The following DDX60 variants were observed in gnomAD, a reference collection of about 807,000 sequenced individuals.
The protein encoded by DDX60 is DExD/H-box helicase 60, also known as probable ATP-dependent RNA helicase DDX60.
A neutral mutation model predicts 212.8 loss-of-function variants in DDX60; 165 were observed. That is an observed-to-expected ratio of 0.78 (90% CI 0.68 to 0.88). The LOEUF is 0.88. DDX60 is among the 40% of genes least tolerant of loss of function. The pLI, the probability that DDX60 is intolerant of heterozygous loss-of-function variation, is 0.00. For missense variants in DDX60, 1,905 were observed against 2,003.9 expected (o/e 0.95, Z 0.94); for synonymous variants, 703 against 685.3 (o/e 1.03, Z -0.40).
chr4:168,269,114 A>G (rs1734977422), intron 19 of DDX60, 145 bp from the exon 20 acceptor site: 2 of 519,008 alleles, frequency 3.9e-6, no homozygotes, highest in East Asian at 5.8e-5. Flanking sequence ...AATATTAAAA[A>G]TCCTCACAAC....
chr4:168,230,880 A>G (rs1335192625), intron 33 of DDX60, among the ~76,000 whole-genome samples: 1 of 152,034 alleles, frequency 6.6e-6, no homozygotes, highest in Admixed American at 6.6e-5. Context: ...AAACAAAACC[A>G]ATACAAAAGA....
chr4:168,283,691 G>C, intron 12 of DDX60, 85 bp from the exon 13 acceptor site: 2 of 964,236 alleles, frequency 2.1e-6, no homozygotes, highest in Non-Finnish European at 3.0e-6. Context: ...TCCACATCCA[G>C]TAGTTAAATT....
intron 3 of DDX60, among the ~76,000 whole-genome samples, chr4:168,309,233 A>C (rs1450694454): frequency 6.6e-6 from 1 of 152,188 alleles, no homozygotes; most frequent in East Asian, 1.9e-4. Context: ...TGTTTATTGC[A>C]ATATCATAAA....
At position 168,248,822 on chromosome 4, in the gene DDX60, C is replaced by T. The variant is rs1025026133; in HGVS notation, c.3859-530G>A. ...TCGCCCAAGCTGGAGTGCAATGGCA[C>T]GATCTCGGCTCACTGCAACCTCCAC... is the stretch of plus-strand genomic sequence containing the variant. On this transcript the variant is annotated intron_variant, in intron 28 of 37. Transcript: ENST00000393743. 7.9e-5 allele frequency among the ~76,000 whole-genome samples: 12 copies of T among 151,448 alleles called. No individual in the cohort carries two copies. In the East Asian group the frequency reaches 1.4e-3, roughly 17 times the overall value.
At chr4:168,273,533 C>T (rs1404128343) in intron 17 of DDX60, 135 bp from the exon 18 acceptor site, 11 of 955,518 alleles carry the variant, frequency 1.2e-5, no homozygotes, top group African/African-American at 3.3e-5. Flanking sequence ...CAACCCACTA[C>T]TCTAAACACA....
chr4:168,272,733 C>T (rs1366751416), intron 18 of DDX60, among the ~76,000 whole-genome samples: 1 of 152,174 alleles, frequency 6.6e-6, no homozygotes, highest in Non-Finnish European at 1.5e-5. Context: ...TAACCACACT[C>T]CCCACATCAA....
chr4:168,304,607 G>T (rs564541841), intron 5 of DDX60, among the ~76,000 whole-genome samples: 1 of 151,942 alleles, frequency 6.6e-6, no homozygotes, highest in Non-Finnish European at 1.5e-5. Flanking sequence ...AGGCTGAGGC[G>T]GCAGGATCAC....
At position 168,248,191 on chromosome 4, in the gene DDX60, T is replaced by G; in HGVS notation, c.3960A>C (p.Arg1320Ser). Residue 1320 changes from arginine to serine, a missense_variant, in exon 29 of 38, where the codon AGA becomes AGC. By Grantham distance (110) the Arg-to-Ser change is moderately radical (BLOSUM62 -1). Transcript: ENST00000393743. ...NSVYLDALNY[R>S]QMSGRAGRRG... ...AAGTTTATGCATTTTGCAATACCTG[T>G]CTATAATTCAACGCATCCAGATAGA... 6.3e-7 allele frequency: 1 copy of G among 1,599,694 alleles called. No homozygotes were observed. Among genetic ancestry groups the G allele is most frequent in the Non-Finnish European group, 8.5e-7 (1 of 1,174,508 alleles).
chr4:168,270,976 C>T (rs1424391067), intron 19 of DDX60, among the ~76,000 whole-genome samples: 1 of 144,096 alleles, frequency 6.9e-6, no homozygotes, highest in East Asian at 2.1e-4. Context: ...CTCCTGGGTT[C>T]AAGTGGTTCT....
At chr4:168,294,452 G>C (rs1736251902) in intron 6 of DDX60, among the ~76,000 whole-genome samples, 1 of 152,070 alleles carries the variant, frequency 6.6e-6, no homozygotes, top group Non-Finnish European at 1.5e-5. Flanking sequence ...GCAAATGAAA[G>C]AGGCAGTCCA....
intron 18 of DDX60, among the ~76,000 whole-genome samples, chr4:168,273,021 C>A (rs531649875): frequency 1.3e-5 from 2 of 152,222 alleles, no homozygotes; most frequent in Admixed American, 1.3e-4. Flanking sequence ...TTCTGAATCC[C>A]TTTACAAACC....
rs59696275 is a variant in DDX60 at position 168,300,580 on chromosome 4, A to ATGTGTGTGTGTG, written c.723+1708_723+1719dup. On this transcript the variant is annotated intron_variant, in intron 6 of 37. Coordinates refer to ENST00000393743, the MANE Select transcript of DDX60 (RefSeq NM_017631.6). Reference sequence around the variant, plus strand: ...TACGATCTATGTGTTTAACACCAGAATGTGTGTGTGTGTGTGTGTGTGTGT... The same window carrying ATGTGTGTGTGTG: ...TACGATCTATGTGTTTAACACCAGAATGTGTGTGTGTGTGTGTGTGTGTGTGTGTGTGTGTGT... Among the ~76,000 whole-genome samples, 1,241 of 146,388 alleles carry ATGTGTGTGTGTG rather than the reference A, an allele frequency of 8.5e-3. 30 individuals are homozygous for ATGTGTGTGTGTG. Among genetic ancestry groups the ATGTGTGTGTGTG allele is most frequent in the Admixed American group, 0.054 (799 of 14,686 alleles).
intron 22 of DDX60, among the ~76,000 whole-genome samples, chr4:168,265,980 A>G (rs1352934308): frequency 6.6e-6 from 1 of 152,126 alleles, no homozygotes; most frequent in Non-Finnish European, 1.5e-5. Flanking sequence ...GTATGAGTTA[A>G]GTCACAAGAA....
chr4:168,284,245 G>T (rs1190323713), intron 12 of DDX60, among the ~76,000 whole-genome samples: 2 of 152,126 alleles, frequency 1.3e-5, no homozygotes, highest in Non-Finnish European at 2.9e-5. Context: ...ACATACCCAG[G>T]TACTTCACAG....
chr4:168,311,542 C>G (rs1737134477), intron 1 of DDX60, among the ~76,000 whole-genome samples, 177 bp from the exon 2 acceptor site: 1 of 152,082 alleles, frequency 6.6e-6, no homozygotes, highest in South Asian at 2.1e-4. Flanking sequence ...AACAATGGAA[C>G]ATTGCAAAAA....
chr4:168,318,700 G>C lies in DDX60; in HGVS notation c.-185C>G, dbSNP rs924831291. ...GGAGGGAGTGAAACAGAGACCTAGC[G>C]CAGAGCCCAGGTGGAAGTTCCAGGT... On this transcript the variant is annotated 5_prime_UTR_variant, in exon 1 of 38. Coordinates refer to ENST00000393743, the MANE Select transcript of DDX60 (RefSeq NM_017631.6). The C allele has an allele frequency of 6.6e-6, 1 of 152,322 alleles. No homozygotes were observed. Among genetic ancestry groups the C allele is most frequent in the African/African-American group, 2.4e-5 (1 of 41,478 alleles). 9.4% of individuals were successfully genotyped at this position (152,322 alleles called of 1,614,324 possible). A position where few individuals can be genotyped will look rare whatever the true frequency, so the allele number is the denominator to read the frequency against.
At chr4:168,284,702 G>A in intron 12 of DDX60, 118 bp downstream of exon 12, 2 of 500,446 alleles carry the variant, frequency 4.0e-6, no homozygotes, top group Non-Finnish European at 7.1e-6. Context: ...TAAATATCTT[G>A]TAGACTATTT....
intron 6 of DDX60, among the ~76,000 whole-genome samples, chr4:168,296,794 T>C (rs1274704029): frequency 6.6e-6 from 1 of 151,698 alleles, no homozygotes; most frequent in Non-Finnish European, 1.5e-5. Flanking sequence ...TATCAGCAAT[T>C]ATAAAGCAGA....
Position 168,284,909 on chromosome 4 carries a change from A to G in DDX60, c.1472T>C (p.Val491Ala). 1 of 1,594,796 alleles carries G rather than the reference A, an allele frequency of 6.3e-7. No individual in the cohort carries two copies. Among genetic ancestry groups the G allele is most frequent in the Non-Finnish European group, 8.6e-7 (1 of 1,167,824 alleles). The change falls in exon 12 of 38, where the codon GTT becomes GCT. Residue 491 changes from valine to alanine, a missense_variant. Coordinates refer to ENST00000393743, the MANE Select transcript of DDX60 (RefSeq NM_017631.6). ...AAGTTCATCAAATTCCTTTTGTTTA[A>G]CCAGTGAAGTAACAATAGGATCATC... The part of the protein sequence containing the change: ...KSDDPIVTSL[V>A]KQKEFDELVH...
Sources: gnomAD v4.1 joint callset for allele counts (sites outside exome capture counted in the v4.1 genomes callset) on GRCh38, gnomAD v4.1.1 for gene constraint, MANE v1.5 for transcripts, NCBI Gene and HGNC (gene_info 2026-07-23, HGNC 2026-07-21) for gene names.